CUL3: variants seen among roughly 807,000 people sequenced by gnomAD.
CUL3 encodes the protein cullin 3.
Under a neutral mutation model 89.1 loss-of-function variants are expected in CUL3, and 19 were observed. The observed-to-expected ratio is 0.21, with a 90% CI of 0.15 to 0.31. The LOEUF (loss-of-function observed/expected upper bound fraction) is 0.31. CUL3 is among the 10% of genes least tolerant of loss of function. CUL3 has a pLI of 1.00. For missense variants in CUL3, 469 were observed against 942.3 expected (o/e 0.50, Z 6.58); for synonymous variants, 351 against 308.4 (o/e 1.14, Z -1.45).
Position 224,585,356 on chromosome 2 carries a change from T to C in CUL3, c.-347A>G, listed in dbSNP as rs1013625134. ...AACATCTCACTGCGCAGGCCGAACGTCGTCCTCCTCCTCCTCCTTCTCCTC... is the reference window on the plus strand; with the variant it reads ...AACATCTCACTGCGCAGGCCGAACGCCGTCCTCCTCCTCCTCCTTCTCCTC... On this transcript the variant is annotated 5_prime_UTR_variant, in exon 1 of 16. Transcript: ENST00000264414. The C allele has an allele frequency of 7.5e-6, 3 of 400,456 alleles. No homozygotes were observed. Among genetic ancestry groups the C allele is most frequent in the East Asian group, 3.6e-5 (1 of 28,152 alleles). 24.8% of individuals were successfully genotyped at this position (400,456 alleles called of 1,614,324 possible).
At chr2:224,573,758 G>C (rs1009886751) in intron 1 of CUL3, among the ~76,000 whole-genome samples, 1 of 152,108 alleles carries the variant, frequency 6.6e-6, no homozygotes, top group Non-Finnish European at 1.5e-5. Flanking sequence ...TTCTCTAGGC[G>C]TATATGTAAT....
At chr2:224,512,571 T>A (rs1357453813) in intron 5 of CUL3, among the ~76,000 whole-genome samples, 1 of 152,222 alleles carries the variant, frequency 6.6e-6, no homozygotes, top group African/African-American at 2.4e-5. Context: ...CATTACAGAT[T>A]AGTACCAGTT....
chr2:224,529,207 G>A (rs1574660646), intron 3 of CUL3, among the ~76,000 whole-genome samples: 1 of 152,026 alleles, frequency 6.6e-6, no homozygotes, highest in East Asian at 1.9e-4. Flanking sequence ...CAAATTTTCT[G>A]TAATGTCAAA....
chr2:224,528,172 T>C (rs558415096), intron 3 of CUL3, among the ~76,000 whole-genome samples: 2 of 152,316 alleles, frequency 1.3e-5, no homozygotes, highest in Non-Finnish European at 2.9e-5. Context: ...TTCAGAAAAC[T>C]GAAATCAGTT....
At chr2:224,504,090 T>C (rs1465855059) in intron 8 of CUL3, 4 of 286,300 alleles carry the variant, frequency 1.4e-5, no homozygotes, top group African/African-American at 6.5e-5. Context: ...CATAAGGTAA[T>C]ATAGCGCTGG....
intron 13 of CUL3, among the ~76,000 whole-genome samples, chr2:224,492,907 C>A (rs1231722140): frequency 6.6e-6 from 1 of 152,178 alleles, no homozygotes; most frequent in Non-Finnish European, 1.5e-5. Context: ...CTTGGGAAAA[C>A]CAGCCACCAA....
At chr2:224,492,124 T>A (rs909919340) in intron 13 of CUL3, among the ~76,000 whole-genome samples, 34 of 152,210 alleles carry the variant, frequency 2.2e-4, no homozygotes, top group African/African-American at 7.5e-4. Flanking sequence ...AAAAAAATTA[T>A]GCTAGCCTCA....
At chr2:224,491,548 G>A (rs561127518) in intron 13 of CUL3, among the ~76,000 whole-genome samples, 1 of 152,154 alleles carries the variant, frequency 6.6e-6, no homozygotes, top group African/African-American at 2.4e-5. Flanking sequence ...TGATACTTAT[G>A]AATTTCATTC....
At chr2:224,483,905 T>C (rs1464216809) in intron 13 of CUL3, among the ~76,000 whole-genome samples, 1 of 152,156 alleles carries the variant, frequency 6.6e-6, no homozygotes, top group Non-Finnish European at 1.5e-5. Context: ...TATTTTATAT[T>C]TGCGCCAAGC....
At chr2:224,500,070 T>C (rs1692320220) in intron 11 of CUL3, 1 of 268,040 alleles carries the variant, frequency 3.7e-6, no homozygotes, top group African/African-American at 2.2e-5. Context: ...GGGTCTAGTT[T>C]TCCATCATCA....
At chr2:224,522,954 T>C (rs1025035299) in intron 3 of CUL3, among the ~76,000 whole-genome samples, 5 of 152,200 alleles carry the variant, frequency 3.3e-5, no homozygotes, top group Non-Finnish European at 4.4e-5. Context: ...ATCAAACCCA[T>C]GTTTCTCTAA....
At chr2:224,489,016 G>C (rs1035673140) in intron 13 of CUL3, among the ~76,000 whole-genome samples, 2 of 152,250 alleles carry the variant, frequency 1.3e-5, no homozygotes, top group East Asian at 3.9e-4. Flanking sequence ...AAAACCACAT[G>C]ATTATCTCAA....
intron 3 of CUL3, among the ~76,000 whole-genome samples, chr2:224,525,149 C>A (rs1574656707): frequency 6.6e-6 from 1 of 151,888 alleles, no homozygotes; most frequent in East Asian, 1.9e-4. Context: ...ATATATGGAA[C>A]AAGTGATACA....
chr2:224,495,391 T>C (rs1359818446), intron 13 of CUL3: 1 of 153,628 alleles, frequency 6.5e-6, no homozygotes, highest in Non-Finnish European at 1.4e-5. Flanking sequence ...ACAACATGTA[T>C]GATTCCATTT....
At chr2:224,483,008 G>A (rs1369057678) in intron 13 of CUL3, among the ~76,000 whole-genome samples, 1 of 152,078 alleles carries the variant, frequency 6.6e-6, no homozygotes, top group Admixed American at 6.6e-5. Flanking sequence ...AAGTCTTTGA[G>A]CAACAGTTCT....
At chr2:224,526,554 C>G (rs1379932132) in intron 3 of CUL3, among the ~76,000 whole-genome samples, 5 of 142,588 alleles carry the variant, frequency 3.5e-5, no homozygotes, top group African/African-American at 1.1e-4. Flanking sequence ...CCACTGCACT[C>G]CAGCCTGGGC....
chr2:224,566,422 G>A (rs933903706), intron 1 of CUL3, among the ~76,000 whole-genome samples: 1 of 152,210 alleles, frequency 6.6e-6, no homozygotes, highest in African/African-American at 2.4e-5. Context: ...GAACAGCAGA[G>A]TTAGCTTATC....
chr2:224,500,164 T>C (rs1692322868), intron 11 of CUL3, 199 bp downstream of exon 11: 1 of 493,748 alleles, frequency 2.0e-6, no homozygotes, highest in African/African-American at 2.0e-5. Context: ...TTTCTAGAGA[T>C]AAATTATGCC....
At chr2:224,548,806 T>G (rs1694399554) in intron 2 of CUL3, among the ~76,000 whole-genome samples, 1 of 151,084 alleles carries the variant, frequency 6.6e-6, no homozygotes, top group Non-Finnish European at 1.5e-5. Flanking sequence ...GAGACCAGCC[T>G]GGGCAACATG....
Sources: allele counts gnomAD v4.1 joint callset (sites outside exome capture counted in the v4.1 genomes callset), GRCh38; gene constraint gnomAD v4.1.1; transcripts MANE v1.5; gene names NCBI Gene and HGNC (gene_info 2026-07-23, HGNC 2026-07-21).